The following SYN3 variants were observed in gnomAD, a reference collection of about 807,000 sequenced individuals.
SYN3 encodes synapsin III.
In SYN3, 35 loss-of-function variants were observed where a neutral mutation model predicts 65.8. That is an observed-to-expected ratio of 0.53 (90% CI 0.41 to 0.70). SYN3 has a LOEUF of 0.70. Among genes scored for constraint, SYN3 ranks in the 30% least tolerant of loss-of-function variants. The pLI is 0.00. For missense variants in SYN3, 680 were observed against 749.0 expected (o/e 0.91, Z 1.08); for synonymous variants, 270 against 292.9 (o/e 0.92, Z 0.80).
chr22:32,662,883 A>G (rs1326415104), intron 6 of SYN3, among the ~76,000 whole-genome samples: 1 of 152,228 alleles, frequency 6.6e-6, no homozygotes, highest in Non-Finnish European at 1.5e-5. Flanking sequence ...TTGCCTTACA[A>G]AGTATCCCCA....
intron 6 of SYN3, among the ~76,000 whole-genome samples, chr22:32,687,323 C>T (rs1265279723): frequency 2.0e-5 from 3 of 152,014 alleles, no homozygotes; most frequent in African/African-American, 4.8e-5. Flanking sequence ...CCACCACGCC[C>T]GGCTAATTTT....
intron 6 of SYN3, among the ~76,000 whole-genome samples, chr22:32,807,617 G>A (rs2145967998): frequency 6.7e-6 from 1 of 149,804 alleles, no homozygotes; most frequent in Middle Eastern, 3.5e-3. Flanking sequence ...GGAAACTGAG[G>A]CTTAGAAAAA....
At chr22:32,632,273 T>G (rs1454536736) in intron 6 of SYN3, among the ~76,000 whole-genome samples, 2 of 152,198 alleles carry the variant, frequency 1.3e-5, no homozygotes, top group African/African-American at 4.8e-5. Flanking sequence ...AGACTTGAAC[T>G]GGCAACCTGG....
At chr22:32,900,169 T>C (rs2049718395) in intron 4 of SYN3, among the ~76,000 whole-genome samples, 2 of 152,186 alleles carry the variant, frequency 1.3e-5, no homozygotes, top group Admixed American at 1.3e-4. Context: ...CTTCTAGTAC[T>C]GTCTCCCATG....
Position 33,029,027 on chromosome 22 carries a change from G to A in SYN3, c.-162-22203C>T, listed in dbSNP as rs943228374. 1.1e-4 allele frequency among the ~76,000 whole-genome samples: 16 copies of A among 151,178 alleles called. 1 individual carries two copies. Among genetic ancestry groups the A allele is most frequent in the East Asian group, 3.9e-4 (2 of 5,140 alleles). On this transcript the variant is annotated intron_variant, in intron 1 of 13. Coordinates refer to ENST00000358763, the MANE Select transcript of SYN3 (RefSeq NM_003490.4). Reference sequence around the variant, plus strand: ...AGCACTACAGCCTGGGTGACAGAGCGAGACTCTGTCTCAAAAAAAAAAAAG... The same window carrying A: ...AGCACTACAGCCTGGGTGACAGAGCAAGACTCTGTCTCAAAAAAAAAAAAG...
In SYN3 at chr22:32,508,008, C is replaced by T. The variant is rs1241432292; in HGVS notation, c.*5684G>A. On this transcript the variant is annotated 3_prime_UTR_variant, in exon 14 of 14. Coordinates refer to ENST00000358763, the MANE Select transcript of SYN3 (RefSeq NM_003490.4). ...CTCCATACCACCCCCCAAAAATTTT[C>T]GTCGCCCCAACACTTCAACACTATT... is the stretch of plus-strand genomic sequence containing the variant. Among the ~76,000 whole-genome samples, 4 of 152,066 alleles carry T rather than the reference C, an allele frequency of 2.6e-5. No individual in the cohort carries two copies. Among genetic ancestry groups the T allele is most frequent in the South Asian group, 2.1e-4 (1 of 4,820 alleles).
At chr22:32,799,448 G>A (rs564257790) in intron 6 of SYN3, among the ~76,000 whole-genome samples, 30 of 152,310 alleles carry the variant, frequency 2.0e-4, no homozygotes, top group Non-Finnish European at 4.1e-4. Context: ...TGCTTTCTAT[G>A]AGAAAACTGC....
intron 7 of SYN3, among the ~76,000 whole-genome samples, chr22:32,586,091 T>C (rs539404986): frequency 0.044 from 6,579 of 149,688 alleles, 244 homozygotes; most frequent in East Asian, 0.11. Context: ...CATGTATATA[T>C]GTATATATGT....
At chr22:32,967,831 T>A (rs2051892456) in intron 3 of SYN3, among the ~76,000 whole-genome samples, 1 of 152,156 alleles carries the variant, frequency 6.6e-6, no homozygotes, top group Non-Finnish European at 1.5e-5. Flanking sequence ...GCTCCTCTCA[T>A]CAGGGAGTGG....
chr22:32,756,449 G>A (rs1399733665), intron 6 of SYN3, among the ~76,000 whole-genome samples: 3 of 152,152 alleles, frequency 2.0e-5, no homozygotes, highest in South Asian at 2.1e-4. Context: ...TAATGAAAAT[G>A]GACAGTCTGA....
chr22:32,760,421 A>C (rs927690712), intron 6 of SYN3, among the ~76,000 whole-genome samples: 11 of 152,056 alleles, frequency 7.2e-5, no homozygotes, highest in African/African-American at 2.7e-4. Flanking sequence ...AGTGGGATGA[A>C]GGGGAGTGAC....
At chr22:32,656,219 G>A (rs1390348451) in intron 6 of SYN3, among the ~76,000 whole-genome samples, 2 of 152,160 alleles carry the variant, frequency 1.3e-5, no homozygotes, top group African/African-American at 4.8e-5. Flanking sequence ...TTTCAGCACA[G>A]TGGTTATGAG....
rs111903335 is a variant in SYN3 at position 32,792,886 on chromosome 22, C to T, written c.711+72029G>A. Reference sequence around the variant, plus strand: ...GACTTTGAAGTCTTCAGGAAGAGTGCTGGTTTGGAAAGAGACCCCTGCATC... The same window carrying T: ...GACTTTGAAGTCTTCAGGAAGAGTGTTGGTTTGGAAAGAGACCCCTGCATC... On this transcript the variant is annotated intron_variant, in intron 6 of 13. Coordinates refer to ENST00000358763, the MANE Select transcript of SYN3 (RefSeq NM_003490.4). Among the ~76,000 whole-genome samples the T allele has an allele frequency of 6.3e-3, 958 of 152,308 alleles. 3 individuals are homozygous for T. Among genetic ancestry groups the T allele is most frequent in the Middle Eastern group, 0.01 (3 of 294 alleles).
At chr22:33,049,431 CT>C (rs2054124368) in intron 1 of SYN3, among the ~76,000 whole-genome samples, 5 of 152,220 alleles carry the variant, frequency 3.3e-5, no homozygotes, top group African/African-American at 1.2e-4. Flanking sequence ...ATTATAACTC[CT>C]CTTTCCTATG....
intron 7 of SYN3, among the ~76,000 whole-genome samples, chr22:32,569,842 T>C (rs1322031883): frequency 2.6e-5 from 4 of 152,178 alleles, no homozygotes; most frequent in African/African-American, 7.2e-5. Flanking sequence ...ACTGGCCCAA[T>C]GATTTGAACA....
chr22:32,693,641 G>T (rs1213069447), intron 6 of SYN3, among the ~76,000 whole-genome samples: 1 of 138,342 alleles, frequency 7.2e-6, no homozygotes, highest in Non-Finnish European at 1.5e-5. Flanking sequence ...ACCCAGGCAG[G>T]AGTGCAGTGG....
At chr22:32,596,618 T>C (rs554687096) in intron 7 of SYN3, 56 bp downstream of exon 7, 2 of 1,573,868 alleles carry the variant, frequency 1.3e-6, no homozygotes, top group African/African-American at 2.7e-5. Flanking sequence ...GAGGAACAGG[T>C]AGTCTGGGGA....
chr22:33,043,922 A>G (rs5754386), intron 1 of SYN3, among the ~76,000 whole-genome samples: 11,968 of 151,920 alleles, frequency 0.079, 560 homozygotes, highest in Middle Eastern at 0.2. Flanking sequence ...GCGTGGTGGT[A>G]TGCACCTGTA....
chr22:33,053,770 T>C (rs2054210017), intron 1 of SYN3, among the ~76,000 whole-genome samples: 1 of 152,188 alleles, frequency 6.6e-6, no homozygotes, highest in Non-Finnish European at 1.5e-5. Flanking sequence ...CCCTGCTCTG[T>C]GATCTTAAGG....
Sources: allele counts gnomAD v4.1 joint callset (sites outside exome capture counted in the v4.1 genomes callset), GRCh38; gene constraint gnomAD v4.1.1; transcripts MANE v1.5; gene names NCBI Gene and HGNC (gene_info 2026-07-23, HGNC 2026-07-21).